Variants in ANTXR1 observed in about 807,000 individuals in gnomAD.
ANTXR1 encodes the protein ANTXR cell adhesion molecule 1.
A neutral mutation model predicts 78.1 loss-of-function variants in ANTXR1; 19 were observed. That is an observed-to-expected ratio of 0.24 (90% CI 0.17 to 0.36). The LOEUF (loss-of-function observed/expected upper bound fraction) is 0.36, where lower values mean the gene tolerates loss of function less well. ANTXR1 is among the 10% of genes least tolerant of loss of function. The pLI is 1.00. For missense variants in ANTXR1, 518 were observed against 718.6 expected (o/e 0.72, Z 3.19); for synonymous variants, 273 against 260.5 (o/e 1.05, Z -0.46).
intron 17 of ANTXR1, among the ~76,000 whole-genome samples, chr2:69,198,042 C>T (rs1422333273): frequency 1.3e-5 from 2 of 152,130 alleles, no homozygotes; most frequent in Admixed American, 1.3e-4. Flanking sequence ...GATTGATTTT[C>T]AAGTATCTAT....
chr2:69,114,400 G>A (rs1027544086), intron 10 of ANTXR1, among the ~76,000 whole-genome samples: 12 of 152,216 alleles, frequency 7.9e-5, no homozygotes, highest in African/African-American at 2.9e-4. Flanking sequence ...TGCAGAACTT[G>A]GGGTGTGTAG....
rs538169739 is a variant in ANTXR1 at position 69,013,731 on chromosome 2, G to C, written c.152+80G>C. On this transcript the variant is annotated intron_variant, in intron 1 of 17. Coordinates refer to ENST00000303714, the MANE Select transcript of ANTXR1 (RefSeq NM_032208.3). This position sits in a 1 kb window ranked among gnomAD's most constrained non-coding sequence, Gnocchi z 5.0. ...CGCCCCGGGCCGGGCTCGTTGGCAG[G>C]GTCGCCTGGGGACAGGAGCGCATCT... The C allele has an allele frequency of 1.9e-6, 3 of 1,548,670 alleles. No homozygotes were observed. The highest frequency in any genetic ancestry group is 4.9e-5 in the East Asian group (2 of 40,904).
intron 9 of ANTXR1, among the ~76,000 whole-genome samples, chr2:69,093,819 AAC>A (rs1415266790): frequency 6.6e-6 from 1 of 152,234 alleles, no homozygotes; most frequent in Non-Finnish European, 1.5e-5. Flanking sequence ...ATAAGCAAAC[AAC>A]AGTTATCTGT....
chr2:69,219,168 A>G (rs1675250484), intron 17 of ANTXR1, among the ~76,000 whole-genome samples: 1 of 152,176 alleles, frequency 6.6e-6, no homozygotes, highest in African/African-American at 2.4e-5. Flanking sequence ...GGCAGTCCCC[A>G]GGTCCCTGGG....
intron 3 of ANTXR1, among the ~76,000 whole-genome samples, chr2:69,057,075 A>T (rs1194504007): frequency 6.6e-6 from 1 of 151,948 alleles, no homozygotes; most frequent in Non-Finnish European, 1.5e-5. Context: ...TTGTGTGTAG[A>T]TACATATAGC....
At chr2:69,070,844 A>G in intron 4 of ANTXR1, 116 bp downstream of exon 4, 1 of 887,608 alleles carries the variant, frequency 1.1e-6, no homozygotes, top group Non-Finnish European at 1.8e-6. Flanking sequence ...CCCAATAGCA[A>G]GAGAGTACAT....
chr2:69,135,036 A>G, intron 12 of ANTXR1: 1 of 423,096 alleles, frequency 2.4e-6, no homozygotes, highest in Non-Finnish European at 4.8e-6. Flanking sequence ...AGACGGTAAA[A>G]GACCACAGGA....
At chr2:69,128,801 G>C (rs1672631958) in intron 12 of ANTXR1, among the ~76,000 whole-genome samples, 1 of 152,150 alleles carries the variant, frequency 6.6e-6, no homozygotes, top group Non-Finnish European at 1.5e-5. Context: ...TGATCCCCTG[G>C]GTCTGAGTAA....
At chr2:69,156,100 A>T (rs1049137279) in intron 13 of ANTXR1, among the ~76,000 whole-genome samples, 2 of 152,148 alleles carry the variant, frequency 1.3e-5, no homozygotes, top group African/African-American at 4.8e-5. Flanking sequence ...TGATGGGGCC[A>T]CTGCACATTT....
chr2:69,221,901 G>A (rs1042460603), intron 17 of ANTXR1, among the ~76,000 whole-genome samples: 2 of 152,102 alleles, frequency 1.3e-5, no homozygotes, highest in African/African-American at 4.8e-5. Flanking sequence ...TTTAAGAGGA[G>A]AGAGAGAGAA....
rs187804418 is a variant in ANTXR1 at position 69,130,305 on chromosome 2, C to A, written c.951+5662C>A. 8.2e-3 allele frequency among the ~76,000 whole-genome samples: 1,148 copies of A among 139,402 alleles called. 18 individuals are homozygous for A. The highest frequency in any genetic ancestry group is 0.031 in the African/African-American group (1,084 of 34,522). 91.5% of individuals were successfully genotyped at this position (139,402 alleles called of 152,430 possible). A position where few individuals can be genotyped will look rare whatever the true frequency, so the allele number is the denominator to read the frequency against. On this transcript the variant is annotated intron_variant, in intron 12 of 17. Transcript: ENST00000303714. Reference sequence around the variant, plus strand: ...AATTCAACATTAAATAAATGAAGACCCCTGTTTTTTTCTCCTGATTTATAT... The same window carrying A: ...AATTCAACATTAAATAAATGAAGACACCTGTTTTTTTCTCCTGATTTATAT...
chr2:69,048,888 G>C (rs1162800518), intron 3 of ANTXR1, among the ~76,000 whole-genome samples: 1 of 152,140 alleles, frequency 6.6e-6, no homozygotes, highest in Non-Finnish European at 1.5e-5. Context: ...GAAAAATACA[G>C]ATTAACTCAG....
chr2:69,240,933 T>C (rs1334934416), intron 17 of ANTXR1, among the ~76,000 whole-genome samples: 1 of 152,128 alleles, frequency 6.6e-6, no homozygotes, highest in Admixed American at 6.6e-5. Context: ...TACACCCAAA[T>C]CAAAATGGCA....
At chr2:69,169,930 G>A (rs1673934067) in intron 13 of ANTXR1, among the ~76,000 whole-genome samples, 1 of 152,246 alleles carries the variant, frequency 6.6e-6, no homozygotes, top group African/African-American at 2.4e-5. Context: ...ATGACTCGGT[G>A]AATAAATGAG....
intron 14 of ANTXR1, among the ~76,000 whole-genome samples, chr2:69,174,634 AAG>A (rs368930080): frequency 3.5e-4 from 53 of 151,746 alleles, no homozygotes; most frequent in Admixed American, 3.1e-3. Context: ...CAAAAAAAAA[AAG>A]AGAGAGAGAG....
chr2:69,243,717 G>A (rs1408783459), intron 17 of ANTXR1, among the ~76,000 whole-genome samples: 2 of 152,190 alleles, frequency 1.3e-5, no homozygotes, highest in Non-Finnish European at 2.9e-5. Context: ...GGCCTGGAAA[G>A]GGAAACTCTG....
intron 10 of ANTXR1, among the ~76,000 whole-genome samples, chr2:69,115,521 G>C (rs1672113921): frequency 6.6e-6 from 1 of 152,194 alleles, no homozygotes; most frequent in South Asian, 2.1e-4. Flanking sequence ...TGACAATTTT[G>C]AGTTATGAAT....
rs371818987 is a variant in ANTXR1 at position 69,193,373 on chromosome 2, A to G, written c.1392A>G (p.Gly464=). 1.9e-4 allele frequency: 304 copies of G among 1,613,666 alleles called. 1 individual carries two copies. The highest frequency in any genetic ancestry group is 2.1e-4 in the Non-Finnish European group (244 of 1,179,902). ...CCTTGTGGGTCCTACTGAGGAAAGGATATGATCGTGTGTCTGTGATGCGTC... is the reference window on the plus strand; with the variant it reads ...CCTTGTGGGTCCTACTGAGGAAAGGGTATGATCGTGTGTCTGTGATGCGTC... ...LDALWVLLRK[G]YDRVSVMRPQ... Residue 464 remains glycine (G), a synonymous_variant, in exon 17 of 18, where the codon GGA becomes GGG. Transcript: ENST00000303714.
At chr2:69,088,616 A>G (rs1460050185) in intron 8 of ANTXR1, among the ~76,000 whole-genome samples, 1 of 152,232 alleles carries the variant, frequency 6.6e-6, no homozygotes, top group Non-Finnish European at 1.5e-5. Context: ...GAAGAGCCCA[A>G]GAGCAGCAAG....
Sources: allele counts gnomAD v4.1 joint callset (sites outside exome capture counted in the v4.1 genomes callset), GRCh38; gene constraint gnomAD v4.1.1; non-coding constraint Gnocchi (gnomAD v3.1); transcripts MANE v1.5; gene names NCBI Gene and HGNC (gene_info 2026-07-23, HGNC 2026-07-21).